The following R3HDM1 variants were observed in gnomAD, a reference collection of about 807,000 sequenced individuals.
R3HDM1 encodes the protein R3H domain-containing protein 1.
Under a neutral mutation model 141.1 loss-of-function variants are expected in R3HDM1, and 46 were observed. The ratio of observed to expected loss-of-function variants is 0.33; its 90% CI spans 0.26 to 0.42. R3HDM1 has a LOEUF of 0.42. Among genes scored for constraint, R3HDM1 ranks in the 10% least tolerant of loss-of-function variants. R3HDM1 has a pLI of 1.00. For missense variants in R3HDM1, 1,184 were observed against 1,368.3 expected (o/e 0.87, Z 2.12); for synonymous variants, 435 against 472.9 (o/e 0.92, Z 1.04).
chr2:135,670,458 T>C, intron 19 of R3HDM1: 1 of 903,352 alleles, frequency 1.1e-6, no homozygotes, highest in African/African-American at 1.8e-5. Flanking sequence ...ATTACTTAAA[T>C]ACTTTCTTCC....
chr2:135,544,593 A>G (rs913616263), intron 1 of R3HDM1, among the ~76,000 whole-genome samples: 1 of 152,216 alleles, frequency 6.6e-6, no homozygotes, highest in Non-Finnish European at 1.5e-5. Flanking sequence ...CTTTAAAACC[A>G]TTTGCCACTC....
At chr2:135,651,569 T>G (rs2065153377) in intron 17 of R3HDM1, 161 bp from the exon 18 acceptor site, 2 of 947,106 alleles carry the variant, frequency 2.1e-6, no homozygotes, top group South Asian at 9.9e-5. Context: ...GAGTTGTCAT[T>G]TTTTTGAAGC....
rs1269993146 is a variant in R3HDM1, at chr2:135,661,250, C to T, written c.2029-20C>T. Reference sequence around the variant, plus strand: ...AATGCAAGTAAAATTGATTTTTTCCCGCAATATTTATGATCCTAGATGCCA... The same window carrying T: ...AATGCAAGTAAAATTGATTTTTTCCTGCAATATTTATGATCCTAGATGCCA... On this transcript the variant is annotated intron_variant, in intron 18 of 26. Coordinates refer to ENST00000683871, the MANE Select transcript of R3HDM1 (RefSeq NM_001378107.1). 12 of 1,611,932 alleles carry T rather than the reference C, an allele frequency of 7.4e-6. No individual in the cohort carries two copies. The highest frequency in any genetic ancestry group is 1.7e-4 in the Middle Eastern group (1 of 6,046).
intron 1 of R3HDM1, chr2:135,536,622 T>A (rs1306823805): frequency 1.1e-6 from 1 of 892,424 alleles, no homozygotes; most frequent in East Asian, 1.2e-4. Flanking sequence ...TATTGTCTGA[T>A]CTAAGCGTTT....
At chr2:135,658,746 CA>C (rs1427180123) in intron 18 of R3HDM1, among the ~76,000 whole-genome samples, 1 of 152,008 alleles carries the variant, frequency 6.6e-6, no homozygotes, top group African/African-American at 2.4e-5. Flanking sequence ...ACAAATACAC[CA>C]TACAGCTCTA....
chr2:135,636,250 T>G (rs1302804019), intron 11 of R3HDM1, 67 bp downstream of exon 11: 2 of 1,519,378 alleles, frequency 1.3e-6, no homozygotes, highest in East Asian at 4.6e-5. Flanking sequence ...GGTCTCAGTC[T>G]CCCTTTTATC....
intron 1 of R3HDM1, among the ~76,000 whole-genome samples, chr2:135,592,290 A>C (rs930217760): frequency 3.9e-5 from 6 of 152,230 alleles, no homozygotes; most frequent in Non-Finnish European, 7.3e-5. Context: ...CTGCCTACTA[A>C]GGACAAAGGT....
chr2:135,694,585 G>A (rs563859239), intron 21 of R3HDM1, among the ~76,000 whole-genome samples: 74 of 152,316 alleles, frequency 4.9e-4, no homozygotes, highest in Admixed American at 2.2e-3. Context: ...TAAACCCTGA[G>A]AGGGAGAAAC....
chr2:135,688,512 GATAACCAAGTTTTTAAAAAACC>G (rs1299435392), intron 21 of R3HDM1, among the ~76,000 whole-genome samples: 52 of 151,818 alleles, frequency 3.4e-4, no homozygotes, highest in Middle Eastern at 3.2e-3. Context: ...TTCTCAATAT[GATAACCAAGTTTTTAAAAAACC>G]ATAGTGGACA....
chr2:135,664,846 AC>A (rs1052736689), intron 19 of R3HDM1, among the ~76,000 whole-genome samples: 1 of 152,260 alleles, frequency 6.6e-6, no homozygotes, highest in African/African-American at 2.4e-5. Context: ...ATGGGAAAGA[AC>A]AACAAAATAA....
intron 1 of R3HDM1, among the ~76,000 whole-genome samples, chr2:135,588,874 C>A (rs1239223746): frequency 6.6e-6 from 1 of 152,046 alleles, no homozygotes; most frequent in Non-Finnish European, 1.5e-5. Context: ...CTGTATTTTT[C>A]AAATGTGTTA....
At chr2:135,547,083 C>A (rs1698845709) in intron 1 of R3HDM1, among the ~76,000 whole-genome samples, 1 of 152,072 alleles carries the variant, frequency 6.6e-6, no homozygotes, top group African/African-American at 2.4e-5. Context: ...TTTGATAACT[C>A]CTCCATCTTT....
chr2:135,536,108 G>A (rs1038502693), intron 1 of R3HDM1, among the ~76,000 whole-genome samples: 1 of 151,764 alleles, frequency 6.6e-6, no homozygotes, highest in Non-Finnish European at 1.5e-5. Context: ...ACTTCTTTAG[G>A]CAAGGTGTAA....
intron 18 of R3HDM1, among the ~76,000 whole-genome samples, chr2:135,657,729 C>G (rs1358562685): frequency 1.3e-5 from 2 of 152,126 alleles, no homozygotes; most frequent in Non-Finnish European, 2.9e-5. Flanking sequence ...AGTTAACTTA[C>G]CCACATACTT....
At chr2:135,700,517 A>G (rs1033980393) in intron 21 of R3HDM1, among the ~76,000 whole-genome samples, 1 of 152,218 alleles carries the variant, frequency 6.6e-6, no homozygotes, top group Admixed American at 6.5e-5. Flanking sequence ...CATTGACAAT[A>G]AGATGTAGGG....
chr2:135,620,719 C>T, intron 5 of R3HDM1: 5 of 897,504 alleles, frequency 5.6e-6, no homozygotes, highest in Non-Finnish European at 6.7e-6. Context: ...TATAACTTTA[C>T]CTAAGTAAAC....
At chr2:135,556,535 T>G (rs75901773) in intron 1 of R3HDM1, among the ~76,000 whole-genome samples, 2 of 151,914 alleles carry the variant, frequency 1.3e-5, no homozygotes, top group African/African-American at 4.8e-5. Context: ...TTTTTTTTTT[T>G]TGAGATGGAG....
intron 21 of R3HDM1, among the ~76,000 whole-genome samples, chr2:135,697,885 C>A (rs1351400176): frequency 1.3e-5 from 2 of 151,836 alleles, no homozygotes; most frequent in East Asian, 3.9e-4. Flanking sequence ...GAAACCCCAT[C>A]TCTACCAAAA....
chr2:135,556,020 G>C lies in R3HDM1; in HGVS notation c.-250+24387G>C, dbSNP rs1016037694. Among the ~76,000 whole-genome samples, 4 of 152,002 alleles carry C rather than the reference G, an allele frequency of 2.6e-5. No homozygotes were observed. In the East Asian group the frequency reaches 5.8e-4, roughly 22 times the overall value. On this transcript the variant is annotated intron_variant, in intron 1 of 26. Coordinates refer to ENST00000683871, the MANE Select transcript of R3HDM1 (RefSeq NM_001378107.1). ...AGTGGAACAAGACCCTGTCCCAAGT[G>C]GGGGGATGGGGGGAGGGAAGGGAAG...
Sources: gnomAD v4.1 joint callset for allele counts (sites outside exome capture counted in the v4.1 genomes callset) on GRCh38, gnomAD v4.1.1 for gene constraint, MANE v1.5 for transcripts, NCBI Gene and HGNC (gene_info 2026-07-23, HGNC 2026-07-21) for gene names.